SRBD1: variants seen among roughly 807,000 people sequenced by gnomAD.
SRBD1 encodes S1 RNA binding domain 1, also known as S1 RNA-binding domain-containing protein 1.
A neutral mutation model predicts 115.3 loss-of-function variants in SRBD1; 88 were observed. The ratio of observed to expected loss-of-function variants is 0.76; its 90% CI spans 0.64 to 0.91. The LOEUF is 0.91. Among genes scored for constraint, SRBD1 ranks in the 40% least tolerant of loss-of-function variants. The pLI is 0.00. For synonymous variants in SRBD1, 509 were observed against 407.7 expected (o/e 1.25, Z -2.99); for missense variants, 1,385 against 1,177.4 (o/e 1.18, Z -2.58).
chr2:45,435,832 T>C (rs1397804058), intron 16 of SRBD1, among the ~76,000 whole-genome samples: 3 of 152,178 alleles, frequency 2.0e-5, no homozygotes, highest in Non-Finnish European at 4.4e-5. Flanking sequence ...CTATCAAACA[T>C]TTAAGGAAGA....
chr2:45,594,091 C>G (rs916221124), intron 4 of SRBD1, among the ~76,000 whole-genome samples: 2 of 152,166 alleles, frequency 1.3e-5, no homozygotes, highest in Non-Finnish European at 2.9e-5. Context: ...ACCAATTTCT[C>G]TTATTTAATT....
At chr2:45,421,505 TCAAAC>T (rs1668000233) in intron 16 of SRBD1, among the ~76,000 whole-genome samples, 1 of 46,294 alleles carries the variant, frequency 2.2e-5, no homozygotes, top group Admixed American at 4.2e-4. Flanking sequence ...AGACTCCGTC[TCAAAC>T]AAAAAAAAAA....
intron 9 of SRBD1, among the ~76,000 whole-genome samples, chr2:45,567,486 A>C (rs1473917670): frequency 6.6e-6 from 1 of 152,046 alleles, no homozygotes. Flanking sequence ...GTGCATGCCC[A>C]TAGTCCCAGC....
intron 2 of SRBD1, among the ~76,000 whole-genome samples, chr2:45,604,038 C>T (rs1027028341): frequency 1.3e-5 from 2 of 152,068 alleles, no homozygotes; most frequent in African/African-American, 4.8e-5. Flanking sequence ...TCCAATCCAC[C>T]ACCATGTCCT....
chr2:45,532,979 G>T (rs1229546720), intron 14 of SRBD1, among the ~76,000 whole-genome samples: 1 of 151,954 alleles, frequency 6.6e-6, no homozygotes, highest in Non-Finnish European at 1.5e-5. Flanking sequence ...ATCAGAGAGA[G>T]AACCAAAATA....
At chr2:45,563,969 T>C (rs1477277486) in intron 9 of SRBD1, among the ~76,000 whole-genome samples, 3 of 152,134 alleles carry the variant, frequency 2.0e-5, no homozygotes, top group Non-Finnish European at 4.4e-5. Context: ...ATTACTCTGA[T>C]ACAAAAACCA....
chr2:45,601,021 A>T (rs1674075586), intron 3 of SRBD1, among the ~76,000 whole-genome samples: 1 of 152,188 alleles, frequency 6.6e-6, no homozygotes, highest in Non-Finnish European at 1.5e-5. Context: ...ATCAGAGCAG[A>T]GACATAAAGA....
chr2:45,577,416 T>A (rs937574712), intron 7 of SRBD1, among the ~76,000 whole-genome samples: 30 of 152,166 alleles, frequency 2.0e-4, no homozygotes, highest in Admixed American at 1.3e-4. Flanking sequence ...CAATGAAATC[T>A]TCCCAGCTAC....
chr2:45,599,606 G>A lies in SRBD1; in HGVS notation c.491C>T (p.Thr164Ile), dbSNP rs763264714. ...ATCGTCATTCTCTTCCTTCTTGCAT[G>A]TACCTCCCCACACAGTGCTTGTGGA... The part of the protein sequence containing the change: ...TPSTSTVWGG[T>I]CKKEENDDDF... The change falls in exon 4 of 21, where the codon ACA becomes ATA. Residue 164 changes from threonine (T) to isoleucine (I), a missense_variant. Transcript: ENST00000263736. 8 of 1,614,032 alleles carry A rather than the reference G, an allele frequency of 5.0e-6. No homozygotes were observed. The highest frequency in any genetic ancestry group is 1.3e-5 in the African/African-American group (1 of 74,908).
chr2:45,392,996 G>A lies in SRBD1; in HGVS notation c.2647C>T (p.Gln883Ter). 2.5e-6 allele frequency: 4 copies of A among 1,613,962 alleles called. No individual in the cohort carries two copies. The highest frequency in any genetic ancestry group is 3.4e-6 in the Non-Finnish European group (4 of 1,179,924). ...ERLQTTVHTL[Q>*]VIIDGLSQPE... ...TGGCTGAGACCATCTATGATGACCT[G>A]TAAGGTGTGTACTGTTGTTTGCAAT... Residue 883 changes from glutamine (Q) to a stop codon, truncating the protein, a stop_gained, in exon 20 of 21, where the codon CAG (glutamine) becomes TAG (stop). Transcript: ENST00000263736. LOFTEE classifies it high-confidence loss of function.
intron 4 of SRBD1, among the ~76,000 whole-genome samples, chr2:45,593,260 TA>T (rs746074049): frequency 6.6e-5 from 10 of 152,294 alleles, no homozygotes; most frequent in Non-Finnish European, 1.0e-4. Flanking sequence ...TCCCATTTTA[TA>T]AATGCAAAAA....
Position 45,575,713 on chromosome 2 carries a change from T to C in SRBD1, c.1073-990A>G, listed in dbSNP as rs572419636. Among the ~76,000 whole-genome samples the C allele has an allele frequency of 6.6e-5, 10 of 152,296 alleles. No individual in the cohort carries two copies. The South Asian group carries it at 1.9e-3, about 28-fold the overall frequency. On this transcript the variant is annotated intron_variant, in intron 7 of 20. Coordinates refer to ENST00000263736, the MANE Select transcript of SRBD1 (RefSeq NM_018079.5). The stretch of plus-strand genomic sequence containing the variant: ...CAACATGGGTACAGGTCCACTTCTT[T>C]TTCTTTTTCTGAGATGGAGTCTCAC...
chr2:45,409,495 G>T (rs571598096), intron 19 of SRBD1, among the ~76,000 whole-genome samples: 166 of 141,060 alleles, frequency 1.2e-3, no homozygotes, highest in African/African-American at 4.2e-3. Context: ...TGTACTGAAG[G>T]TCCCGGCCAT....
intron 10 of SRBD1, among the ~76,000 whole-genome samples, chr2:45,557,383 C>T (rs1051080429): frequency 2.6e-5 from 4 of 152,186 alleles, no homozygotes; most frequent in African/African-American, 4.8e-5. Flanking sequence ...TAAGCCACTG[C>T]TTGCAGGAAA....
chr2:45,454,026 C>T (rs11125017), intron 16 of SRBD1, among the ~76,000 whole-genome samples: 95,385 of 151,682 alleles, frequency 0.63, 30,522 homozygotes, highest in African/African-American at 0.66. Context: ...AGAGTTCTTA[C>T]AGGTCAGATT....
At chr2:45,599,306 G>A (rs1296555877) in intron 4 of SRBD1, 143 bp downstream of exon 4, 1 of 1,150,158 alleles carries the variant, frequency 8.7e-7, no homozygotes, top group East Asian at 2.4e-5. Flanking sequence ...AAAGTTACAA[G>A]TAGGAAAGCC....
At chr2:45,424,859 A>G (rs1461387744) in intron 16 of SRBD1, among the ~76,000 whole-genome samples, 1 of 152,236 alleles carries the variant, frequency 6.6e-6, no homozygotes, top group Non-Finnish European at 1.5e-5. Flanking sequence ...TCAGAAAAAG[A>G]CTTCACTGCC....
At chr2:45,445,762 C>G (rs888382615) in intron 16 of SRBD1, among the ~76,000 whole-genome samples, 1 of 151,962 alleles carries the variant, frequency 6.6e-6, no homozygotes, top group African/African-American at 2.4e-5. Flanking sequence ...TGATAACTCA[C>G]CTATGAAACG....
intron 14 of SRBD1, among the ~76,000 whole-genome samples, chr2:45,525,386 T>C (rs888763470): frequency 6.6e-6 from 1 of 152,004 alleles, no homozygotes; most frequent in Non-Finnish European, 1.5e-5. Context: ...CTGCAAATCA[T>C]ACACTTGGAT....
Sources: gnomAD v4.1 joint callset for allele counts (sites outside exome capture counted in the v4.1 genomes callset) on GRCh38, gnomAD v4.1.1 for gene constraint, MANE v1.5 for transcripts, NCBI Gene and HGNC (gene_info 2026-07-23, HGNC 2026-07-21) for gene names.